ABTB3: variants seen among roughly 807,000 people sequenced by gnomAD.
ABTB3 encodes ankyrin repeat- and BTB/POZ domain-containing protein 3.
At chr12:107,422,931 A>G in the ABTB3 span, among the ~76,000 whole-genome samples, 1 of 152,224 alleles carries the variant, frequency 6.6e-6, no homozygotes, top group Non-Finnish European at 1.5e-5. Flanking sequence ...CACAAAGCTT[A>G]TGGATATCAA....
At chr12:107,351,216 T>A in the ABTB3 span, among the ~76,000 whole-genome samples, 1 of 152,374 alleles carries the variant, frequency 6.6e-6, no homozygotes, top group African/African-American at 2.4e-5. Context: ...TCCTACCTCA[T>A]GCAGTTGGTA....
chr12:107,583,326 C>T, the ABTB3 span, among the ~76,000 whole-genome samples: 1 of 152,120 alleles, frequency 6.6e-6, no homozygotes, highest in African/African-American at 2.4e-5. Context: ...TTTTGGAAGG[C>T]CTTTAATACT....
At chr12:107,386,602 TA>T in the ABTB3 span, among the ~76,000 whole-genome samples, 1 of 152,192 alleles carries the variant, frequency 6.6e-6, no homozygotes, top group Non-Finnish European at 1.5e-5. Flanking sequence ...GTGACTTTTC[TA>T]GAGTTAAAAA....
the ABTB3 span, among the ~76,000 whole-genome samples, chr12:107,490,878 C>T: frequency 6.6e-6 from 1 of 152,110 alleles, no homozygotes; most frequent in African/African-American, 2.4e-5. Context: ...TCACTTAATT[C>T]AGTCTTCACA....
the ABTB3 span, among the ~76,000 whole-genome samples, chr12:107,521,281 G>A: frequency 1.3e-5 from 2 of 151,504 alleles, no homozygotes; most frequent in Admixed American, 6.6e-5. Flanking sequence ...GTGTGTGTGT[G>A]TGTGTGTGTG....
At chr12:107,542,173 G>A in the ABTB3 span, among the ~76,000 whole-genome samples, 1 of 152,016 alleles carries the variant, frequency 6.6e-6, no homozygotes, top group Non-Finnish European at 1.5e-5. Flanking sequence ...TTAGCTGGGA[G>A]TGGTGGTGCA....
At chr12:107,656,695 A>G in the ABTB3 span, among the ~76,000 whole-genome samples, 1 of 152,234 alleles carries the variant, frequency 6.6e-6, no homozygotes, top group Non-Finnish European at 1.5e-5. Context: ...TTATGCTTTT[A>G]TTTTCCACTA....
chr12:107,611,369 CAG>C, the ABTB3 span, among the ~76,000 whole-genome samples: 4 of 152,070 alleles, frequency 2.6e-5, no homozygotes. Flanking sequence ...TTTATAGAGA[CAG>C]GGTCTTGCTA....
the ABTB3 span, among the ~76,000 whole-genome samples, chr12:107,348,052 G>A: frequency 2.0e-5 from 3 of 152,098 alleles, no homozygotes; most frequent in South Asian, 4.1e-4. Context: ...AAGATGAATA[G>A]TTTGTGCACT....
At chr12:107,366,881 C>T in the ABTB3 span, among the ~76,000 whole-genome samples, 1 of 152,188 alleles carries the variant, frequency 6.6e-6, no homozygotes, top group Non-Finnish European at 1.5e-5. Context: ...ACATTGCAAA[C>T]TCAGGGTGCC....
the ABTB3 span, among the ~76,000 whole-genome samples, chr12:107,626,343 C>CTTTTTTTT: frequency 1.8e-5 from 2 of 112,530 alleles, no homozygotes; most frequent in African/African-American, 7.1e-5. Context: ...CTATCGTCAT[C>CTTTTTTTT]TTTTTTTTTT....
At chr12:107,388,926 A>G in the ABTB3 span, among the ~76,000 whole-genome samples, 1 of 152,274 alleles carries the variant, frequency 6.6e-6, no homozygotes, top group South Asian at 2.1e-4. Context: ...ACAAAGATCA[A>G]ATGAGTTTGC....
the ABTB3 span, among the ~76,000 whole-genome samples, chr12:107,474,392 A>G: frequency 1.3e-5 from 2 of 152,192 alleles, no homozygotes; most frequent in African/African-American, 2.4e-5. Flanking sequence ...AGCATAATTT[A>G]TAACACGATA....
chr12:107,548,236 A>G, the ABTB3 span, among the ~76,000 whole-genome samples: 3 of 152,142 alleles, frequency 2.0e-5, no homozygotes, highest in Admixed American at 2.0e-4. Flanking sequence ...CATCTCCTTG[A>G]CTATCATTAT....
At chr12:107,498,119 T>C in the ABTB3 span, among the ~76,000 whole-genome samples, 9 of 152,230 alleles carry the variant, frequency 5.9e-5, no homozygotes, top group South Asian at 1.2e-3. Context: ...GAAAATAAAA[T>C]GCCAGAAAAA....
the ABTB3 span, among the ~76,000 whole-genome samples, chr12:107,372,360 C>G: frequency 6.6e-6 from 1 of 152,134 alleles, no homozygotes; most frequent in Non-Finnish European, 1.5e-5. Flanking sequence ...CTGCCCCAAA[C>G]CAGAACAAAG....
At chr12:107,449,852 C>T in the ABTB3 span, among the ~76,000 whole-genome samples, 1 of 151,940 alleles carries the variant, frequency 6.6e-6, no homozygotes, top group African/African-American at 2.4e-5. Flanking sequence ...TTTGTTTCAT[C>T]ACTCGTCTTG....
chr12:107,359,578 C>G, the ABTB3 span, among the ~76,000 whole-genome samples: 2 of 152,034 alleles, frequency 1.3e-5, no homozygotes, highest in African/African-American at 4.8e-5. Context: ...AGCACTGCAG[C>G]CTGTCACCAG....
At chr12:107,364,152 C>T in the ABTB3 span, among the ~76,000 whole-genome samples, 1 of 152,186 alleles carries the variant, frequency 6.6e-6, no homozygotes, top group African/African-American at 2.4e-5. Flanking sequence ...CAGTTGCCCT[C>T]CATGTGTTGG....
Sources: allele counts gnomAD v4.1 joint callset (sites outside exome capture counted in the v4.1 genomes callset), GRCh38; gene constraint gnomAD v4.1.1; transcripts MANE v1.5; gene names NCBI Gene and HGNC (gene_info 2026-07-23, HGNC 2026-07-21).